The following BRD10 variants were observed in gnomAD, a reference collection of about 807,000 sequenced individuals.
BRD10 encodes uncharacterized bromodomain-containing protein 10.
chr9:5,897,123 G>A, the BRD10 span, among the ~76,000 whole-genome samples: 1 of 152,176 alleles, frequency 6.6e-6, no homozygotes. Flanking sequence ...GCTAATGAAT[G>A]TTTAGCACAG....
the BRD10 span, chr9:5,953,969 C>A: frequency 8.7e-7 from 1 of 1,145,386 alleles, no homozygotes; most frequent in Non-Finnish European, 1.3e-6. Flanking sequence ...GATATGAACA[C>A]TGAAACAAAA....
chr9:5,904,049 G>C, the BRD10 span, among the ~76,000 whole-genome samples: 2 of 152,060 alleles, frequency 1.3e-5, no homozygotes, highest in Non-Finnish European at 2.9e-5. Context: ...GCAGAGATGG[G>C]GTTTCACCAT....
chr9:5,932,108 G>A, the BRD10 span, among the ~76,000 whole-genome samples: 1 of 152,068 alleles, frequency 6.6e-6, no homozygotes, highest in East Asian at 1.9e-4. Context: ...TTATATAAAA[G>A]AAATGAGATG....
At chr9:5,965,070 A>G in the BRD10 span, among the ~76,000 whole-genome samples, 38 of 151,088 alleles carry the variant, frequency 2.5e-4, no homozygotes, top group African/African-American at 3.6e-4. Context: ...AAAAAAAAAA[A>G]AAAGAAAAAA....
the BRD10 span, among the ~76,000 whole-genome samples, chr9:5,980,806 T>C: frequency 6.6e-6 from 1 of 152,148 alleles, no homozygotes; most frequent in African/African-American, 2.4e-5. Flanking sequence ...TTAAAATATA[T>C]ACTAAATTTT....
At chr9:5,893,436 C>T in the BRD10 span, among the ~76,000 whole-genome samples, 1 of 152,176 alleles carries the variant, frequency 6.6e-6, no homozygotes, top group African/African-American at 2.4e-5. Context: ...CAGTCAACCG[C>T]AGGGACCAGC....
the BRD10 span, chr9:5,922,022 T>G: frequency 6.2e-7 from 1 of 1,614,024 alleles, no homozygotes; most frequent in East Asian, 2.2e-5. Context: ...AGTTGTTGAT[T>G]TTGGCACCAG....
chr9:5,946,850 C>T, the BRD10 span, among the ~76,000 whole-genome samples: 3 of 152,094 alleles, frequency 2.0e-5, no homozygotes, highest in Non-Finnish European at 4.4e-5. Flanking sequence ...TATACTCCTA[C>T]AACTAAACAT....
chr9:5,889,938 A>G, the BRD10 span, among the ~76,000 whole-genome samples: 7 of 152,204 alleles, frequency 4.6e-5, no homozygotes, highest in Admixed American at 4.6e-4. Flanking sequence ...ATAGATGGAA[A>G]CCCACTATCT....
chr9:5,926,554 C>T, the BRD10 span, among the ~76,000 whole-genome samples: 2 of 151,942 alleles, frequency 1.3e-5, no homozygotes, highest in Admixed American at 1.3e-4. Context: ...TTTTTTGAGA[C>T]GGAGTCTCAC....
At chr9:5,964,945 T>C in the BRD10 span, among the ~76,000 whole-genome samples, 1 of 145,872 alleles carries the variant, frequency 6.9e-6, no homozygotes, top group South Asian at 2.2e-4. Flanking sequence ...TTGGGAGATA[T>C]ACCTAATGCT....
At chr9:5,976,678 C>T in the BRD10 span, among the ~76,000 whole-genome samples, 1 of 151,280 alleles carries the variant, frequency 6.6e-6, no homozygotes, top group African/African-American at 2.4e-5. Context: ...AAATGTGACA[C>T]TTTGTTTTTT....
At chr9:5,933,579 C>G in the BRD10 span, among the ~76,000 whole-genome samples, 3 of 152,088 alleles carry the variant, frequency 2.0e-5, no homozygotes, top group Admixed American at 2.0e-4. Flanking sequence ...TCTATGGTCA[C>G]AAGATTAAGT....
chr9:5,952,000 C>CTTATTTATTTATTTAT, the BRD10 span, among the ~76,000 whole-genome samples: 337 of 127,998 alleles, frequency 2.6e-3, 3 homozygotes, highest in South Asian at 7.3e-3. Flanking sequence ...CAGGAAGAGA[C>CTTATTTATTTATTTAT]TTATTTATTT....
the BRD10 span, among the ~76,000 whole-genome samples, chr9:5,967,331 A>T: frequency 6.6e-6 from 1 of 152,212 alleles, no homozygotes; most frequent in Non-Finnish European, 1.5e-5. Flanking sequence ...GCACCTAAGA[A>T]ATTCAAAAGC....
the BRD10 span, among the ~76,000 whole-genome samples, chr9:5,895,503 G>A: frequency 6.6e-6 from 1 of 152,208 alleles, no homozygotes; most frequent in African/African-American, 2.4e-5. Flanking sequence ...TGTGCCAGCA[G>A]GTGGAATGAA....
At chr9:5,935,560 T>G in the BRD10 span, among the ~76,000 whole-genome samples, 1 of 152,226 alleles carries the variant, frequency 6.6e-6, no homozygotes, top group Non-Finnish European at 1.5e-5. Context: ...TTTGACTGTT[T>G]TCAATAAATT....
the BRD10 span, among the ~76,000 whole-genome samples, chr9:6,002,841 TA>T: frequency 6.6e-6 from 1 of 152,120 alleles, no homozygotes; most frequent in Non-Finnish European, 1.5e-5. Flanking sequence ...TACACCTGGC[TA>T]ATTTTTTTTG....
chr9:5,955,843 A>T, the BRD10 span, among the ~76,000 whole-genome samples: 6 of 152,212 alleles, frequency 3.9e-5, no homozygotes, highest in Non-Finnish European at 8.8e-5. Flanking sequence ...TGCTTAAATA[A>T]GCAATACTCA....
Sources: gnomAD v4.1 joint callset for allele counts (sites outside exome capture counted in the v4.1 genomes callset) on GRCh38, gnomAD v4.1.1 for gene constraint, MANE v1.5 for transcripts, NCBI Gene and HGNC (gene_info 2026-07-23, HGNC 2026-07-21) for gene names.